Variants in RFTN1 observed in about 807,000 individuals in gnomAD.
RFTN1 encodes raftlin, lipid raft linker 1.
In RFTN1, 26 loss-of-function variants were observed where a neutral mutation model predicts 46.5. The observed-to-expected ratio is 0.56, with a 90% CI of 0.41 to 0.78. The LOEUF (loss-of-function observed/expected upper bound fraction) is 0.78. RFTN1 is among the 30% of genes least tolerant of loss of function. The probability of loss-of-function intolerance (pLI) is 0.00; values close to 1 mark genes in which losing one functional copy is unlikely to be tolerated. For missense variants in RFTN1, 693 were observed against 718.7 expected, an observed-to-expected ratio of 0.96 and a Z score of 0.41; for synonymous variants, 261 against 284.2, an observed-to-expected ratio of 0.92 and a Z score of 0.82.
Position 16,481,582 on chromosome 3 carries a change from A to C in RFTN1, c.145+12143T>G, listed in dbSNP as rs1036929036. Among the ~76,000 whole-genome samples the C allele has an allele frequency of 6.6e-6, 1 of 152,214 alleles. No individual in the cohort carries two copies. The highest frequency in any genetic ancestry group is 2.4e-5 in the African/African-American group (1 of 41,456). On this transcript the variant is annotated intron_variant, in intron 2 of 9. Transcript: ENST00000334133. This position sits in a 1 kb window ranked among gnomAD's most constrained non-coding sequence, Gnocchi z 5.1. ...CACAAGTAGGAAGTTAAATAACTTCACTGCATCCAACAATTGCTTTTGCCT... is the reference window on the plus strand; with the variant it reads ...CACAAGTAGGAAGTTAAATAACTTCCCTGCATCCAACAATTGCTTTTGCCT...
At chr3:16,510,522 C>G (rs2076880333) in intron 1 of RFTN1, among the ~76,000 whole-genome samples, 1 of 152,202 alleles carries the variant, frequency 6.6e-6, no homozygotes, top group Non-Finnish European at 1.5e-5. Flanking sequence ...TCAGGGACTT[C>G]CTATGGCCCC....
At chr3:16,333,252 G>A (rs992588504) in intron 7 of RFTN1, among the ~76,000 whole-genome samples, 3 of 152,214 alleles carry the variant, frequency 2.0e-5, no homozygotes, top group African/African-American at 7.2e-5. Context: ...CCACAAAAAG[G>A]ACACTTGCTT....
intron 4 of RFTN1, among the ~76,000 whole-genome samples, chr3:16,378,571 T>C (rs1271588096): frequency 3.9e-5 from 6 of 152,184 alleles, no homozygotes; most frequent in Admixed American, 2.6e-4. Flanking sequence ...ACAGATGGCA[T>C]TTTATGGCCC....
rs2073956772 is a variant in RFTN1 at position 16,380,651 on chromosome 3, C to T, written c.442-2549G>A. On this transcript the variant is annotated intron_variant, in intron 4 of 9. Transcript: ENST00000334133. This position sits in a 1 kb window ranked among gnomAD's most constrained non-coding sequence, Gnocchi z 4.8. ...AAATGCAAATTCTCAGGCCCCACCA[C>T]AGACCTACTGAGTCAGAAACTCTGA... 6.6e-6 allele frequency among the ~76,000 whole-genome samples: 1 copy of T among 152,186 alleles called. No homozygotes were observed. The highest frequency in any genetic ancestry group is 1.5e-5 in the Non-Finnish European group (1 of 68,028).
rs1275934677 is a variant in RFTN1, at chr3:16,410,423, G to A, written c.333-940C>T. On this transcript the variant is annotated intron_variant, in intron 3 of 9. Coordinates refer to ENST00000334133, the MANE Select transcript of RFTN1 (RefSeq NM_015150.2). This position sits in a 1 kb window ranked among gnomAD's most constrained non-coding sequence, Gnocchi z 4.6. ...GGATGGGTGGTGATGGTATGGGTGTGGGGGTGGTGATCAAAAGTGAATTTA... is the reference window on the plus strand; with the variant it reads ...GGATGGGTGGTGATGGTATGGGTGTAGGGGTGGTGATCAAAAGTGAATTTA... Among the ~76,000 whole-genome samples the A allele has an allele frequency of 6.6e-6, 1 of 152,040 alleles. No individual in the cohort carries two copies. Among genetic ancestry groups the A allele is most frequent in the Admixed American group, 6.6e-5 (1 of 15,266 alleles).
chr3:16,349,411 AAAGT>A (rs2071944287), intron 7 of RFTN1: 1 of 152,292 alleles, frequency 6.6e-6, no homozygotes, highest in Admixed American at 6.5e-5. Context: ...GATGGTGACA[AAAGT>A]AAGGCAAACC....
At position 16,345,301 on chromosome 3, in the gene RFTN1, T is replaced by TGTGTGTGTGTGTGTGTGTGTG. The variant is rs1559842639; in HGVS notation, c.1146+12630_1146+12631insCACACACACACACACACACAC. ...GTGTGTGTGTGTGTGTGTGTGTGTG[T>TGTGTGTGTGTGTGTGTGTGTG]TTAAAGCTGTTATAGAATTATCTCC... On this transcript the variant is annotated intron_variant, in intron 7 of 9. Transcript: ENST00000334133. The surrounding 1 kb of genome is among the most constrained non-coding windows in gnomAD (Gnocchi z 5.2). 15 of 146,410 alleles carry TGTGTGTGTGTGTGTGTGTGTG rather than the reference T, an allele frequency of 1.0e-4. No individual in the cohort carries two copies. The highest frequency in any genetic ancestry group is 3.5e-4 in the African/African-American group (14 of 40,306). The allele number at this position is 146,410 out of a possible 1,614,324, so 9.1% of individuals were successfully genotyped here. A position where few individuals can be genotyped will look rare whatever the true frequency, so the allele number is the denominator to read the frequency against.
At chr3:16,455,873 C>T (rs1472950351) in intron 2 of RFTN1, among the ~76,000 whole-genome samples, 2 of 152,086 alleles carry the variant, frequency 1.3e-5, no homozygotes, top group African/African-American at 2.4e-5. Flanking sequence ...GAACATGATG[C>T]CAAGAAGAAA....
intron 1 of RFTN1, among the ~76,000 whole-genome samples, chr3:16,495,488 A>G (rs1444291136): frequency 6.6e-6 from 1 of 152,240 alleles, no homozygotes; most frequent in Non-Finnish European, 1.5e-5. Flanking sequence ...GCCCTCAAGG[A>G]GGTTAGGCTA....
At position 16,500,952 on chromosome 3, in the gene RFTN1, C is replaced by T. The variant is rs190322947; in HGVS notation, c.-8-7075G>A. Among the ~76,000 whole-genome samples the T allele has an allele frequency of 3.9e-5, 6 of 152,224 alleles. No homozygotes were observed. In the East Asian group the frequency reaches 7.7e-4, roughly 20 times the overall value. ...CTGTTCGGGAAGTCTGGACAGAATG[C>T]GGGAGCATTCGGAACAAATCGCTGT... On this transcript the variant is annotated intron_variant, in intron 1 of 9. Transcript: ENST00000334133. This position sits in a 1 kb window ranked among gnomAD's most constrained non-coding sequence, Gnocchi z 5.9.
At position 16,468,510 on chromosome 3, in the gene RFTN1, T is replaced by C. The variant is rs1443684634; in HGVS notation, c.145+25215A>G. On this transcript the variant is annotated intron_variant, in intron 2 of 9. Coordinates refer to ENST00000334133, the MANE Select transcript of RFTN1 (RefSeq NM_015150.2). The surrounding 1 kb of genome is among the most constrained non-coding windows in gnomAD (Gnocchi z 4.4). Reference sequence around the variant, plus strand: ...TCCAAGCCATTAAAACACTTTAAGATGCCTTTTCATATCTTTGCTATCTTT... The same window carrying C: ...TCCAAGCCATTAAAACACTTTAAGACGCCTTTTCATATCTTTGCTATCTTT... Among the ~76,000 whole-genome samples, 1 of 152,118 alleles carries C rather than the reference T, an allele frequency of 6.6e-6. No individual in the cohort carries two copies. The highest frequency in any genetic ancestry group is 1.9e-4 in the East Asian group (1 of 5,186).
In RFTN1 at chr3:16,429,147, T is replaced by TGTG. The variant is rs140539488; in HGVS notation, c.332+4701_332+4703dup. On this transcript the variant is annotated intron_variant, in intron 3 of 9. Coordinates refer to ENST00000334133, the MANE Select transcript of RFTN1 (RefSeq NM_015150.2). This position sits in a 1 kb window ranked among gnomAD's most constrained non-coding sequence, Gnocchi z 6.4. ...ATTAAGAACAGTTTACAGTTAGATG[T>TGTG]GTGGCTAGGCCTGCCATGGTAAAAT... 0.1 allele frequency among the ~76,000 whole-genome samples: 15,816 copies of TGTG among 152,238 alleles called. 944 individuals are homozygous for TGTG. Among genetic ancestry groups the TGTG allele is most frequent in the East Asian group, 0.21 (1,108 of 5,178 alleles).
intron 2 of RFTN1, chr3:16,482,928 A>C (rs888331212): frequency 1.1e-5 from 12 of 1,118,486 alleles, no homozygotes; most frequent in South Asian, 1.5e-5. Flanking sequence ...GCCCCACCCA[A>C]CTCTGACCCT....
chr3:16,420,997 C>A (rs770774060), intron 3 of RFTN1, among the ~76,000 whole-genome samples: 47 of 152,276 alleles, frequency 3.1e-4, no homozygotes, highest in Middle Eastern at 6.8e-3. Context: ...ACCACCAGTT[C>A]CAGTGTGTCT....
At position 16,512,198 on chromosome 3, in the gene RFTN1, G is replaced by A. The variant is rs2076912315; in HGVS notation, c.-9+1244C>T. On this transcript the variant is annotated intron_variant, in intron 1 of 9. Transcript: ENST00000334133. The surrounding 1 kb of genome is among the most constrained non-coding windows in gnomAD (Gnocchi z 4.3). ...ATACAAATTAGGAATCCCGGCAGCAGAGAGGCCCTACCCACAGGCCCAGAG... is the reference window on the plus strand; with the variant it reads ...ATACAAATTAGGAATCCCGGCAGCAAAGAGGCCCTACCCACAGGCCCAGAG... 6.6e-6 allele frequency among the ~76,000 whole-genome samples: 1 copy of A among 152,138 alleles called. No homozygotes were observed. The highest frequency in any genetic ancestry group is 1.5e-5 in the Non-Finnish European group (1 of 68,040).
In RFTN1 at chr3:16,409,476, T is replaced by C. The variant is rs2125447609; in HGVS notation, c.340A>G (p.Lys114Glu). Reference sequence around the variant, plus strand: ...TAGCCTTCATTGTGAAGATCAGTTTTCTGAGATCTGAAGAGAAAGAAAAGC... The same window carrying C: ...TAGCCTTCATTGTGAAGATCAGTTTCCTGAGATCTGAAGAGAAAGAAAAGC... ...ILIKKTDRSQ[K>E]TDLHNEGYIL... The change falls in exon 4 of 10, where the codon AAA becomes GAA. Residue 114 changes from lysine (K) to glutamate (E), a missense_variant. Physicochemically the swap from Lys to Glu is moderately conservative, Grantham distance 56. Transcript: ENST00000334133. The C allele has an allele frequency of 6.2e-7, 1 of 1,605,666 alleles. No individual in the cohort carries two copies. The highest frequency in any genetic ancestry group is 1.3e-5 in the African/African-American group (1 of 74,870).
At chr3:16,494,095 G>A (rs192981209) in intron 1 of RFTN1, among the ~76,000 whole-genome samples, 10 of 152,156 alleles carry the variant, frequency 6.6e-5, no homozygotes, top group South Asian at 4.2e-4. Context: ...ATTACCAGCC[G>A]TCCTGAGATT....
rs536927321 is a variant in RFTN1 at position 16,451,365 on chromosome 3, C to T, written c.146-17328G>A. Among the ~76,000 whole-genome samples the T allele has an allele frequency of 9.2e-5, 14 of 152,306 alleles. No homozygotes were observed. The highest frequency in any genetic ancestry group is 1.2e-4 in the African/African-American group (5 of 41,568). ...GGTAGATGCCCCTGCATGCTGGACACGAAGTCTAATAGGGCACTCTCCAGT... is the reference window on the plus strand; with the variant it reads ...GGTAGATGCCCCTGCATGCTGGACATGAAGTCTAATAGGGCACTCTCCAGT... On this transcript the variant is annotated intron_variant, in intron 2 of 9. Coordinates refer to ENST00000334133, the MANE Select transcript of RFTN1 (RefSeq NM_015150.2). The surrounding 1 kb of genome is among the most constrained non-coding windows in gnomAD (Gnocchi z 4.2).
At chr3:16,403,039 C>G (rs1038294232) in intron 4 of RFTN1, among the ~76,000 whole-genome samples, 1 of 152,170 alleles carries the variant, frequency 6.6e-6, no homozygotes. Flanking sequence ...GCAGGCAGGA[C>G]GAGGCAATTT....
Sources: gnomAD v4.1 joint callset for allele counts (sites outside exome capture counted in the v4.1 genomes callset) on GRCh38, gnomAD v4.1.1 for gene constraint, Gnocchi (gnomAD v3.1) non-coding constraint, MANE v1.5 for transcripts, NCBI Gene and HGNC (gene_info 2026-07-23, HGNC 2026-07-21) for gene names.